Variants in COX6C observed in about 807,000 individuals in gnomAD.
COX6C encodes the protein cytochrome c oxidase subunit 6C.
COX6C carries 3 observed loss-of-function variants against 6.9 expected under a neutral mutation model. The ratio of observed to expected loss-of-function variants is 0.43; its 90% CI spans 0.20 to 1.12. The LOEUF is 1.12. Among genes scored for constraint, COX6C ranks in the 50% most tolerant of loss-of-function variants. COX6C has a pLI of 0.27. For missense variants in COX6C, 101 were observed against 97.3 expected (o/e 1.04, Z -0.16); for synonymous variants, 32 against 32.0 (o/e 1.00, Z 0.00).
At chr8:99,888,478 G>A (rs1281985801) in intron 2 of COX6C, among the ~76,000 whole-genome samples, 1 of 152,196 alleles carries the variant, frequency 6.6e-6, no homozygotes, top group Non-Finnish European at 1.5e-5. Flanking sequence ...GGCTGAGGCA[G>A]GAGAATTGCT....
At chr8:99,889,548 G>A (rs936034367) in intron 2 of COX6C, among the ~76,000 whole-genome samples, 35 of 151,826 alleles carry the variant, frequency 2.3e-4, no homozygotes, top group Admixed American at 2.3e-3. Context: ...ACCACGCCCG[G>A]CTAATTTTTT....
intron 3 of COX6C, among the ~76,000 whole-genome samples, chr8:99,885,533 C>T (rs554078799): frequency 3.9e-5 from 6 of 152,230 alleles, no homozygotes; most frequent in African/African-American, 1.4e-4. Flanking sequence ...ATGATTTCAC[C>T]AAGGTACCAA....
intron 3 of COX6C, among the ~76,000 whole-genome samples, chr8:99,881,356 T>C (rs1476297156): frequency 4.7e-5 from 7 of 149,112 alleles, no homozygotes; most frequent in Non-Finnish European, 7.4e-5. Context: ...TAAGACTCCA[T>C]CTCTTAAAAA....
chr8:99,892,169 A>T, intron 1 of COX6C, 117 bp from the exon 2 acceptor site: 1 of 605,526 alleles, frequency 1.7e-6, no homozygotes, highest in Non-Finnish European at 2.9e-6. Context: ...GATTAGCAGC[A>T]GTTACAAATG....
chr8:99,881,116 T>C (rs909642827), intron 3 of COX6C, among the ~76,000 whole-genome samples: 2 of 152,126 alleles, frequency 1.3e-5, no homozygotes, highest in Non-Finnish European at 1.5e-5. Context: ...TCCCAGGACT[T>C]TGGGAGGCCC....
chr8:99,880,614 G>A (rs191172242), intron 3 of COX6C, among the ~76,000 whole-genome samples: 7 of 152,142 alleles, frequency 4.6e-5, no homozygotes, highest in African/African-American at 1.7e-4. Flanking sequence ...GGTGGCTCAT[G>A]CCTGTAATCT....
intron 3 of COX6C, chr8:99,878,785 CA>C (rs1412734635): frequency 1.3e-5 from 2 of 152,108 alleles, no homozygotes; most frequent in Non-Finnish European, 2.9e-5. Flanking sequence ...AAAGTTAAAG[CA>C]GATATGTTAA....
At chr8:99,883,958 A>C (rs1267068335) in intron 3 of COX6C, among the ~76,000 whole-genome samples, 1 of 152,214 alleles carries the variant, frequency 6.6e-6, no homozygotes, top group African/African-American at 2.4e-5. Flanking sequence ...AAAATTCAAC[A>C]TCCTTTCATG....
intron 3 of COX6C, among the ~76,000 whole-genome samples, chr8:99,885,275 T>C (rs1817928283): frequency 6.6e-6 from 1 of 152,242 alleles, no homozygotes. Flanking sequence ...ATTTTGTTAT[T>C]GTTGCTCATC....
chr8:99,891,878 CCTT>C, intron 2 of COX6C, 27 bp downstream of exon 2: 1 of 1,594,020 alleles, frequency 6.3e-7, no homozygotes, highest in Non-Finnish European at 8.6e-7. Flanking sequence ...TACTTTATGA[CCTT>C]CGGCACAAAG....
intron 3 of COX6C, among the ~76,000 whole-genome samples, chr8:99,882,743 T>C (rs1588826509): frequency 7.1e-6 from 1 of 140,152 alleles, no homozygotes; most frequent in Non-Finnish European, 1.5e-5. Flanking sequence ...CTATGAACAA[T>C]TATATGTAAA....
intron 3 of COX6C, among the ~76,000 whole-genome samples, chr8:99,885,805 G>C (rs74434116): frequency 0.027 from 4,141 of 152,256 alleles, 83 homozygotes; most frequent in Non-Finnish European, 0.041. Flanking sequence ...AAATTTCTGT[G>C]CATCAAGGGA....
At chr8:99,882,254 T>A (rs992180104) in intron 3 of COX6C, among the ~76,000 whole-genome samples, 1 of 152,202 alleles carries the variant, frequency 6.6e-6, no homozygotes, top group East Asian at 1.9e-4. Context: ...AACAAAACAC[T>A]CCAGCTAACA....
intron 2 of COX6C, among the ~76,000 whole-genome samples, chr8:99,890,079 G>C (rs997518588): frequency 6.6e-5 from 10 of 151,770 alleles, no homozygotes; most frequent in Non-Finnish European, 1.5e-4. Flanking sequence ...GGGCAACAGA[G>C]TGAGACTCCA....
At chr8:99,892,120 C>T in intron 1 of COX6C, 68 bp from the exon 2 acceptor site, 1 of 824,430 alleles carries the variant, frequency 1.2e-6, no homozygotes. Context: ...GAATGGCCAC[C>T]TGGAAGCATT....
At chr8:99,891,204 T>C (rs1292586278) in intron 2 of COX6C, among the ~76,000 whole-genome samples, 1 of 152,204 alleles carries the variant, frequency 6.6e-6, no homozygotes, top group Non-Finnish European at 1.5e-5. Flanking sequence ...ATAACTAAGT[T>C]AAAATGAGGC....
Position 99,885,463 on chromosome 8 carries a change from G to A in COX6C, c.*15+2027C>T, listed in dbSNP as rs572061722. Among the ~76,000 whole-genome samples the A allele has an allele frequency of 5.3e-5, 8 of 152,210 alleles. No individual in the cohort carries two copies. In the South Asian group the frequency reaches 8.3e-4, roughly 16 times the overall value. On this transcript the variant is annotated intron_variant, in intron 3 of 3. Transcript: ENST00000520468. ...AATCAAAACAGTGTAGTACTGCCCCGAAGACAGACATACAGACTAAAGAAA... is the reference window on the plus strand; with the variant it reads ...AATCAAAACAGTGTAGTACTGCCCCAAAGACAGACATACAGACTAAAGAAA...
chr8:99,893,646 C>G lies in COX6C; in HGVS notation c.-39G>C, dbSNP rs1430484762. ...AAAAGGGACCGGACTCACCTCAACA[C>G]CAACGTCCTTCCTGACTAAAGGAAA... On this transcript the variant is annotated 5_prime_UTR_variant, in exon 1 of 4. Transcript: ENST00000520468. 6.6e-6 allele frequency: 1 copy of G among 152,320 alleles called. No individual in the cohort carries two copies. The allele number at this position is 152,320 out of a possible 1,614,324, so 9.4% of individuals were successfully genotyped here.
chr8:99,884,739 A>C (rs532110233), intron 3 of COX6C, among the ~76,000 whole-genome samples: 2 of 152,338 alleles, frequency 1.3e-5, no homozygotes, highest in South Asian at 4.1e-4. Context: ...GTTTTTTCCT[A>C]TATATACACA....
Sources: gnomAD v4.1 joint callset for allele counts (sites outside exome capture counted in the v4.1 genomes callset) on GRCh38, gnomAD v4.1.1 for gene constraint, MANE v1.5 for transcripts, NCBI Gene and HGNC (gene_info 2026-07-23, HGNC 2026-07-21) for gene names.